GNAO1: variants seen among roughly 807,000 people sequenced by gnomAD.
The protein encoded by GNAO1 is G protein subunit alpha o1, also known as guanine nucleotide-binding protein G(o) subunit alpha.
For missense variants in GNAO1, 166 were observed against 478.7 expected (o/e 0.35, Z 6.10); for synonymous variants, 164 against 180.7 (o/e 0.91, Z 0.74).
intron 2 of GNAO1, among the ~76,000 whole-genome samples, chr16:56,254,251 G>A (rs1300355365): frequency 6.6e-6 from 1 of 151,706 alleles, no homozygotes; most frequent in African/African-American, 2.4e-5. Flanking sequence ...CTTAATTTTT[G>A]CCTATATGTC....
rs34175199 is a variant in GNAO1 at position 56,356,773 on chromosome 16, C to CTT, written c.*712_*713dup. 7 of 142,818 alleles carry CTT rather than the reference C, an allele frequency of 4.9e-5. No individual in the cohort carries two copies. Among genetic ancestry groups the CTT allele is most frequent in the South Asian group, 2.2e-4 (1 of 4,546 alleles). The allele number at this position is 142,818 out of a possible 1,614,324, so 8.8% of individuals were successfully genotyped here. On this transcript the variant is annotated 3_prime_UTR_variant, in exon 9 of 9. Coordinates refer to ENST00000262493, the MANE Select transcript of GNAO1 (RefSeq NM_020988.3). The stretch of plus-strand genomic sequence containing the variant: ...AGCCTTTGTAGGGGTTTTTTGGTTC[C>CTT]TTTTTTTTTTTTTTCAGTTTTTGTT...
intron 1 of GNAO1, 52 bp from the exon 2 acceptor site, chr16:56,192,522 T>A (rs886672142): frequency 6.2e-6 from 4 of 641,898 alleles, no homozygotes; most frequent in Admixed American, 6.0e-5. Context: ...CCTCCCCCTG[T>A]TCCCTTAAGC....
chr16:56,305,647 A>G (rs1159817756), intron 3 of GNAO1, among the ~76,000 whole-genome samples: 1 of 152,098 alleles, frequency 6.6e-6, no homozygotes, highest in South Asian at 2.1e-4. Flanking sequence ...GGAATGATGG[A>G]GAGAGAACCC....
intron 2 of GNAO1, among the ~76,000 whole-genome samples, chr16:56,243,702 A>C (rs910904494): frequency 6.6e-6 from 1 of 152,190 alleles, no homozygotes; most frequent in East Asian, 1.9e-4. Flanking sequence ...TTTAGCAGAT[A>C]TATGTTCCAG....
intron 3 of GNAO1, among the ~76,000 whole-genome samples, chr16:56,322,189 G>C (rs533252375): frequency 1.3e-5 from 2 of 152,278 alleles, no homozygotes; most frequent in Admixed American, 1.3e-4. Flanking sequence ...AGCATCTTGG[G>C]GGTTAGGATT....
At chr16:56,202,634 GA>G (rs1236294008) in intron 2 of GNAO1, among the ~76,000 whole-genome samples, 1 of 152,196 alleles carries the variant, frequency 6.6e-6, no homozygotes, top group Admixed American at 6.5e-5. Context: ...AGACAGACAG[GA>G]GGACAGTAAG....
intron 6 of GNAO1, among the ~76,000 whole-genome samples, chr16:56,349,623 T>A (rs1440579059): frequency 6.6e-6 from 1 of 151,948 alleles, no homozygotes; most frequent in Non-Finnish European, 1.5e-5. Context: ...GATAGGAGAG[T>A]GATGAGATCA....
chr16:56,236,015 C>G (rs1188359502), intron 2 of GNAO1, among the ~76,000 whole-genome samples: 2 of 152,184 alleles, frequency 1.3e-5, no homozygotes, highest in African/African-American at 4.8e-5. Flanking sequence ...GAGTCATAGC[C>G]TATTTTGACT....
chr16:56,333,202 C>T (rs928022923), intron 4 of GNAO1, among the ~76,000 whole-genome samples: 1 of 137,070 alleles, frequency 7.3e-6, no homozygotes, highest in Non-Finnish European at 1.6e-5. Flanking sequence ...AGTGCATTTT[C>T]TTTTTTTCTT....
At chr16:56,329,113 G>C (rs1174364850) in intron 4 of GNAO1, 12 of 233,574 alleles carry the variant, frequency 5.1e-5, no homozygotes, top group South Asian at 1.4e-4. Flanking sequence ...AAGTGTAGCA[G>C]CTTTGTTTTT....
At chr16:56,337,487 G>A (rs1316052650) in intron 6 of GNAO1, among the ~76,000 whole-genome samples, 1 of 152,324 alleles carries the variant, frequency 6.6e-6, no homozygotes, top group East Asian at 1.9e-4. Flanking sequence ...CTTCTGTCTT[G>A]CGTCACATTC....
At chr16:56,317,349 T>C (rs1371372544) in intron 3 of GNAO1, among the ~76,000 whole-genome samples, 1 of 152,216 alleles carries the variant, frequency 6.6e-6, no homozygotes, top group Non-Finnish European at 1.5e-5. Context: ...CACCCCGATG[T>C]GTTCAAGGCA....
At chr16:56,327,332 C>A (rs1256390481) in intron 3 of GNAO1, among the ~76,000 whole-genome samples, 1 of 152,058 alleles carries the variant, frequency 6.6e-6, no homozygotes, top group Non-Finnish European at 1.5e-5. Flanking sequence ...CTGTGGGCCA[C>A]GGCGAGTCCT....
intron 2 of GNAO1, chr16:56,226,367 T>G (rs7203524): frequency 0.5 from 75,518 of 152,062 alleles, 18,901 homozygotes; most frequent in East Asian, 0.64. Context: ...GCTTGCCAGT[T>G]TCTGTGGTGT....
chr16:56,306,327 G>A lies in GNAO1; in HGVS notation c.304-22304G>A, dbSNP rs1363428898. 3.9e-5 allele frequency among the ~76,000 whole-genome samples: 6 copies of A among 152,192 alleles called. No individual in the cohort carries two copies. The South Asian group carries it at 6.2e-4, about 16-fold the overall frequency. ...GGGAAATCCCCTTCATCGTTGTGGCGGAATCTGCAGAGTTTAGGCAGGGAA... is the reference window on the plus strand; with the variant it reads ...GGGAAATCCCCTTCATCGTTGTGGCAGAATCTGCAGAGTTTAGGCAGGGAA... On this transcript the variant is annotated intron_variant, in intron 3 of 8. Transcript: ENST00000262493.
chr16:56,340,613 G>C (rs1392429128), intron 6 of GNAO1: 1 of 552,994 alleles, frequency 1.8e-6, no homozygotes, highest in Non-Finnish European at 3.3e-6. Context: ...ACCCTGCCCG[G>C]CCCTGCTCCG....
intron 2 of GNAO1, chr16:56,194,403 CTG>C: frequency 5.2e-6 from 2 of 385,714 alleles, no homozygotes; most frequent in Non-Finnish European, 5.2e-6. Context: ...CTTCAGAAGT[CTG>C]TAATCAGCAG....
intron 3 of GNAO1, among the ~76,000 whole-genome samples, chr16:56,320,163 G>A (rs543067944): frequency 6.6e-6 from 1 of 152,272 alleles, no homozygotes; most frequent in South Asian, 2.1e-4. Context: ...CTCGCTTACT[G>A]TTAGCATTCA....
chr16:56,316,107 C>T lies in GNAO1; in HGVS notation c.304-12524C>T, dbSNP rs532421325. 1.9e-4 allele frequency among the ~76,000 whole-genome samples: 29 copies of T among 152,204 alleles called. No individual in the cohort carries two copies. The East Asian group carries it at 3.7e-3, about 19-fold the overall frequency. On this transcript the variant is annotated intron_variant, in intron 3 of 8. Coordinates refer to ENST00000262493, the MANE Select transcript of GNAO1 (RefSeq NM_020988.3). ...GCCTCCATCCTGCGTTTCCTCTCCCCGGCGTGCCCTGCCAGGCCTCCACTA... is the reference window on the plus strand; with the variant it reads ...GCCTCCATCCTGCGTTTCCTCTCCCTGGCGTGCCCTGCCAGGCCTCCACTA...
Sources: allele counts gnomAD v4.1 joint callset (sites outside exome capture counted in the v4.1 genomes callset), GRCh38; gene constraint gnomAD v4.1.1; transcripts MANE v1.5; gene names NCBI Gene and HGNC (gene_info 2026-07-23, HGNC 2026-07-21).